SLMAP: variants seen among roughly 807,000 people sequenced by gnomAD.
SLMAP encodes the protein sarcolemma associated protein.
In SLMAP, 44 loss-of-function variants were observed where a neutral mutation model predicts 128.8. The ratio of observed to expected loss-of-function variants is 0.34; its 90% CI spans 0.27 to 0.44. The LOEUF is 0.44. SLMAP is among the 20% of genes least tolerant of loss of function. SLMAP has a pLI of 1.00. For synonymous variants in SLMAP, 327 were observed against 348.8 expected (o/e 0.94, Z 0.70); for missense variants, 787 against 985.3 (o/e 0.80, Z 2.69).
intron 2 of SLMAP, among the ~76,000 whole-genome samples, chr3:57,771,057 A>G (rs1243517645): frequency 6.6e-6 from 1 of 151,964 alleles, no homozygotes; most frequent in Non-Finnish European, 1.5e-5. Context: ...CAGATTTCAG[A>G]TTTCAAATTT....
At chr3:57,809,676 T>C (rs1367729034) in intron 2 of SLMAP, among the ~76,000 whole-genome samples, 1 of 152,104 alleles carries the variant, frequency 6.6e-6, no homozygotes, top group Non-Finnish European at 1.5e-5. Flanking sequence ...TGTGGTGCCT[T>C]TTCCGGTCCC....
At chr3:57,835,534 A>G (rs1001029204) in intron 3 of SLMAP, among the ~76,000 whole-genome samples, 1 of 152,234 alleles carries the variant, frequency 6.6e-6, no homozygotes, top group Non-Finnish European at 1.5e-5. Flanking sequence ...ATGAGTCAGT[A>G]TCAGGCAGTC....
At chr3:57,844,801 G>A (rs1332589423) in intron 4 of SLMAP, among the ~76,000 whole-genome samples, 4 of 135,452 alleles carry the variant, frequency 3.0e-5, no homozygotes, top group Admixed American at 2.4e-4. Context: ...TGCAACCTCC[G>A]CCTCCCAGGT....
At chr3:57,806,695 C>T (rs1300226331) in intron 2 of SLMAP, among the ~76,000 whole-genome samples, 2 of 152,172 alleles carry the variant, frequency 1.3e-5, no homozygotes, top group Non-Finnish European at 1.5e-5. Context: ...CTACCTCGGC[C>T]TCCCAAAGTG....
intron 2 of SLMAP, among the ~76,000 whole-genome samples, chr3:57,806,076 A>T (rs1337658624): frequency 1.3e-5 from 2 of 150,544 alleles, no homozygotes; most frequent in Admixed American, 1.3e-4. Context: ...GTTCTGGGAT[A>T]CAAGTGCAGA....
chr3:57,817,866 C>T (rs760793137), intron 2 of SLMAP, among the ~76,000 whole-genome samples: 1 of 152,154 alleles, frequency 6.6e-6, no homozygotes, highest in Non-Finnish European at 1.5e-5. Flanking sequence ...AAAAGCTTAC[C>T]TTTCCTGATG....
At chr3:57,908,341 C>T (rs1481457644) in intron 18 of SLMAP, among the ~76,000 whole-genome samples, 13 of 152,198 alleles carry the variant, frequency 8.5e-5, no homozygotes, top group Admixed American at 5.9e-4. Context: ...AATGTCCTGG[C>T]CACATTCTTT....
At chr3:57,830,830 T>G (rs1369726297) in intron 2 of SLMAP, among the ~76,000 whole-genome samples, 1 of 152,214 alleles carries the variant, frequency 6.6e-6, no homozygotes, top group Non-Finnish European at 1.5e-5. Context: ...TTATAATACA[T>G]CAGTCTTTTG....
chr3:57,844,487 C>G (rs17058599), intron 4 of SLMAP, among the ~76,000 whole-genome samples: 2,748 of 152,046 alleles, frequency 0.018, 75 homozygotes, highest in African/African-American at 0.063. Context: ...ACATTTCCTT[C>G]TTATGGTTTG....
At chr3:57,862,467 G>A (rs534515055) in intron 10 of SLMAP, among the ~76,000 whole-genome samples, 16 of 151,752 alleles carry the variant, frequency 1.1e-4, no homozygotes, top group Middle Eastern at 3.4e-3. Context: ...GTGAAACCCC[G>A]TCTCTACTAA....
intron 13 of SLMAP, among the ~76,000 whole-genome samples, chr3:57,870,408 T>C (rs373404375): frequency 3.0e-4 from 46 of 152,294 alleles, no homozygotes; most frequent in African/African-American, 1.1e-3. Context: ...TTTGAGGCTA[T>C]ATTGTATCAC....
chr3:57,878,161 A>G (rs527719542), intron 14 of SLMAP, among the ~76,000 whole-genome samples: 71 of 152,216 alleles, frequency 4.7e-4, no homozygotes, highest in African/African-American at 1.7e-3. Context: ...AAATTTTAGG[A>G]CAAATAGCTT....
At chr3:57,897,661 C>A (rs2096273562) in intron 17 of SLMAP, 1 of 151,554 alleles carries the variant, frequency 6.6e-6, no homozygotes, top group Non-Finnish European at 1.5e-5. Flanking sequence ...CCATTGCACT[C>A]CAGCCTGGGC....
intron 2 of SLMAP, among the ~76,000 whole-genome samples, chr3:57,771,479 C>T (rs1388258617): frequency 6.6e-6 from 1 of 152,136 alleles, no homozygotes; most frequent in Non-Finnish European, 1.5e-5. Context: ...AATCCCCCTG[C>T]CTTGCCTTCC....
At chr3:57,850,219 AAATTC>A (rs2094451925) in intron 6 of SLMAP, among the ~76,000 whole-genome samples, 2 of 152,302 alleles carry the variant, frequency 1.3e-5, no homozygotes, top group South Asian at 4.1e-4. Context: ...TTTATTTTGC[AAATTC>A]ACAAATATAG....
At chr3:57,857,967 A>G in intron 7 of SLMAP, 121 bp from the exon 8 acceptor site, 1 of 916,806 alleles carries the variant, frequency 1.1e-6, no homozygotes, top group South Asian at 1.5e-5. Context: ...TTAGCATTTT[A>G]CAGTGGATGC....
At chr3:57,837,516 C>A (rs1022013597) in intron 3 of SLMAP, among the ~76,000 whole-genome samples, 2 of 152,068 alleles carry the variant, frequency 1.3e-5, no homozygotes, top group Admixed American at 1.3e-4. Context: ...CTACAGGCAC[C>A]CACCACCACG....
At chr3:57,811,183 T>C (rs1157384688) in intron 2 of SLMAP, among the ~76,000 whole-genome samples, 3 of 152,226 alleles carry the variant, frequency 2.0e-5, no homozygotes, top group African/African-American at 7.2e-5. Flanking sequence ...ACCATTCATC[T>C]CCATAACTCT....
intron 2 of SLMAP, among the ~76,000 whole-genome samples, chr3:57,775,364 C>G (rs1440438702): frequency 6.6e-6 from 1 of 151,888 alleles, no homozygotes; most frequent in African/African-American, 2.4e-5. Flanking sequence ...TTTTCAAGTT[C>G]AGCCACTTTA....
Sources: allele counts gnomAD v4.1 joint callset (sites outside exome capture counted in the v4.1 genomes callset), GRCh38; gene constraint gnomAD v4.1.1; transcripts MANE v1.5; gene names NCBI Gene and HGNC (gene_info 2026-07-23, HGNC 2026-07-21).